RORA: variants seen among roughly 807,000 people sequenced by gnomAD.
The protein encoded by RORA is RAR related orphan receptor A.
In RORA, 7 loss-of-function variants were observed where a neutral mutation model predicts 69.5. The ratio of observed to expected loss-of-function variants is 0.10; its 90% CI spans 0.06 to 0.19. The LOEUF (loss-of-function observed/expected upper bound fraction) is 0.19. Among genes scored for constraint, RORA ranks in the 10% least tolerant of loss-of-function variants. The pLI is 1.00. For missense variants in RORA, 457 were observed against 663.0 expected (o/e 0.69, Z 3.41); for synonymous variants, 261 against 240.8 (o/e 1.08, Z -0.78).
chr15:60,846,634 A>G (rs1267225518), intron 1 of RORA, among the ~76,000 whole-genome samples: 1 of 152,222 alleles, frequency 6.6e-6, no homozygotes, highest in Admixed American at 6.5e-5. Context: ...TTGTCACTAC[A>G]TATCAAAAAT....
chr15:60,974,092 A>G (rs1893806602), intron 1 of RORA, among the ~76,000 whole-genome samples: 1 of 152,198 alleles, frequency 6.6e-6, no homozygotes, highest in Non-Finnish European at 1.5e-5. Context: ...GAGCAGATGA[A>G]GAAGACTAAT....
chr15:60,672,743 G>T (rs967534389), intron 2 of RORA, among the ~76,000 whole-genome samples: 6 of 152,306 alleles, frequency 3.9e-5, no homozygotes, highest in Admixed American at 3.9e-4. Context: ...CTGATGAGCA[G>T]ATTAAATGAA....
Position 61,120,210 on chromosome 15 carries a change from T to G in RORA, c.166+108843A>C, listed in dbSNP as rs554938497. 1.2e-4 allele frequency among the ~76,000 whole-genome samples: 18 copies of G among 152,210 alleles called. No individual in the cohort carries two copies. The East Asian group carries it at 3.3e-3, about 28-fold the overall frequency. On this transcript the variant is annotated intron_variant, in intron 1 of 10. Transcript: ENST00000335670. Reference sequence around the variant, plus strand: ...AGATGTATTTCTATGTAAAAATTTATTAGGCCATATACTTAAGATTTGCAT... The same window carrying G: ...AGATGTATTTCTATGTAAAAATTTAGTAGGCCATATACTTAAGATTTGCAT...
intron 1 of RORA, among the ~76,000 whole-genome samples, chr15:61,008,404 C>G (rs1190218985): frequency 6.6e-6 from 1 of 152,028 alleles, no homozygotes; most frequent in African/African-American, 2.4e-5. Context: ...TCCAGCTGCA[C>G]CCACAAGCCA....
intron 1 of RORA, among the ~76,000 whole-genome samples, chr15:61,161,221 G>A (rs932894644): frequency 6.6e-6 from 1 of 152,178 alleles, no homozygotes; most frequent in East Asian, 1.9e-4. Flanking sequence ...CCAAGCAGTG[G>A]GAACACTGCT....
intron 1 of RORA, among the ~76,000 whole-genome samples, chr15:61,165,018 T>A (rs970339515): frequency 6.6e-6 from 1 of 152,160 alleles, no homozygotes; most frequent in Non-Finnish European, 1.5e-5. Flanking sequence ...TGTGGCTCCA[T>A]CACACCCTCC....
intron 1 of RORA, among the ~76,000 whole-genome samples, chr15:60,948,160 G>C (rs189605630): frequency 1.9e-4 from 29 of 152,144 alleles, no homozygotes; most frequent in South Asian, 1.7e-3. Flanking sequence ...ATTTGGGAAA[G>C]GGAGCATTTA....
intron 1 of RORA, among the ~76,000 whole-genome samples, chr15:61,201,220 T>C (rs985050640): frequency 6.6e-6 from 1 of 152,212 alleles, no homozygotes; most frequent in African/African-American, 2.4e-5. Context: ...TCTTATCAAA[T>C]GCTGTGAATG....
chr15:61,197,957 A>T (rs991127149), intron 1 of RORA, among the ~76,000 whole-genome samples: 1 of 152,132 alleles, frequency 6.6e-6, no homozygotes, highest in African/African-American at 2.4e-5. Flanking sequence ...TTTGTGTGGT[A>T]TCAGGGACAT....
chr15:60,617,629 C>T (rs1045251558), intron 2 of RORA, among the ~76,000 whole-genome samples: 18 of 149,316 alleles, frequency 1.2e-4, no homozygotes, highest in Admixed American at 5.4e-4. Context: ...AGAAAAAATA[C>T]ACACACACAC....
intron 2 of RORA, among the ~76,000 whole-genome samples, chr15:60,562,036 C>G (rs554096061): frequency 1.3e-5 from 2 of 151,962 alleles, no homozygotes; most frequent in East Asian, 3.9e-4. Flanking sequence ...CTCTGCCTCC[C>G]AGGTTCAAGC....
At chr15:60,584,187 G>A (rs901618321) in intron 2 of RORA, among the ~76,000 whole-genome samples, 2 of 152,164 alleles carry the variant, frequency 1.3e-5, no homozygotes, top group Non-Finnish European at 2.9e-5. Context: ...ACATGCCTTC[G>A]TGGGCCTCAC....
chr15:60,562,914 C>T (rs913987917), intron 2 of RORA, among the ~76,000 whole-genome samples: 1 of 152,228 alleles, frequency 6.6e-6, no homozygotes, highest in South Asian at 2.1e-4. Context: ...TCTTGGTAAA[C>T]AATTTAGAAA....
intron 1 of RORA, among the ~76,000 whole-genome samples, chr15:60,985,585 T>TTC (rs1412054565): frequency 3.6e-5 from 5 of 140,800 alleles, no homozygotes; most frequent in Non-Finnish European, 6.2e-5. Flanking sequence ...TCATCCTCTT[T>TTC]TTTTTTTTTT....
At chr15:60,751,577 C>T (rs560427927) in intron 1 of RORA, among the ~76,000 whole-genome samples, 1 of 152,272 alleles carries the variant, frequency 6.6e-6, no homozygotes, top group East Asian at 1.9e-4. Context: ...AGTACCTTGA[C>T]CAAGGTCCTG....
At chr15:60,558,455 C>G in intron 2 of RORA, 1 of 546,622 alleles carries the variant, frequency 1.8e-6, no homozygotes, top group Non-Finnish European at 3.2e-6. Context: ...GAATTCAGAT[C>G]ATTAATGTCT....
intron 1 of RORA, among the ~76,000 whole-genome samples, chr15:60,928,810 A>T (rs1299843782): frequency 2.0e-5 from 3 of 152,202 alleles, no homozygotes; most frequent in Admixed American, 2.0e-4. Flanking sequence ...AATGCTGGCA[A>T]TAATGCACAG....
Position 60,954,923 on chromosome 15 carries a change from A to G in RORA, c.166+274130T>C, listed in dbSNP as rs545424303. Among the ~76,000 whole-genome samples the G allele has an allele frequency of 1.3e-4, 20 of 152,270 alleles. No homozygotes were observed. The South Asian group carries it at 3.5e-3, about 27-fold the overall frequency. ...AATGACAGACTGGATGACTCAATAC[A>G]TACTTACTGAGGAAAACTGGGCATT... On this transcript the variant is annotated intron_variant, in intron 1 of 10. Transcript: ENST00000335670.
intron 2 of RORA, among the ~76,000 whole-genome samples, chr15:60,657,470 T>C (rs1241788305): frequency 1.3e-5 from 2 of 152,168 alleles, no homozygotes; most frequent in African/African-American, 2.4e-5. Flanking sequence ...CCTGGAGGAC[T>C]AAAGGAGTTA....
Sources: gnomAD v4.1 joint callset for allele counts (sites outside exome capture counted in the v4.1 genomes callset) on GRCh38, gnomAD v4.1.1 for gene constraint, MANE v1.5 for transcripts, NCBI Gene and HGNC (gene_info 2026-07-23, HGNC 2026-07-21) for gene names.